The following SOX6 variants were observed in gnomAD, a reference collection of about 807,000 sequenced individuals.
SOX6 encodes the protein transcription factor SOX-6.
Under a neutral mutation model 97.8 loss-of-function variants are expected in SOX6, and 11 were observed. The observed-to-expected ratio is 0.11, with a 90% confidence interval of 0.07 to 0.19. The LOEUF (loss-of-function observed/expected upper bound fraction) is 0.19, where lower values mean the gene tolerates loss of function less well. Ranked by LOEUF, SOX6 falls within the 10% of genes least tolerant of loss-of-function variation. The pLI, the probability that SOX6 is intolerant of heterozygous loss-of-function variation, is 1.00. For missense variants in SOX6, 810 were observed against 1,039.5 expected (o/e 0.78, Z 3.04); for synonymous variants, 360 against 371.4 (o/e 0.97, Z 0.35).
At chr11:16,520,917 G>C (rs184626892) in intron 4 of SOX6, among the ~76,000 whole-genome samples, 46 of 152,374 alleles carry the variant, frequency 3.0e-4, no homozygotes, top group Non-Finnish European at 4.4e-4. Flanking sequence ...GTGGCAGCGA[G>C]GCTGGGGGAG....
At chr11:16,394,244 T>TA (rs1388781576) in intron 1 of SOX6, among the ~76,000 whole-genome samples, 7 of 151,772 alleles carry the variant, frequency 4.6e-5, no homozygotes, top group South Asian at 4.1e-4. Context: ...TGCAGATAAG[T>TA]AAAAAAATGT....
rs76141968 is a variant in SOX6 at position 16,115,666 on chromosome 11, A to T, written c.778-3743T>A. Among the ~76,000 whole-genome samples the T allele has an allele frequency of 8.6e-4, 131 of 152,314 alleles. 4 individuals carry two copies. Among genetic ancestry groups the T allele is most frequent in the Admixed American group, 7.5e-3 (115 of 15,298 alleles). On this transcript the variant is annotated intron_variant, in intron 6 of 15. Transcript: ENST00000683767. Reference sequence around the variant, plus strand: ...GATATGAGCCTAAGGTTACAGTGTCATGACAGTGCTGGATCCAGAGTCCAG... The same window carrying T: ...GATATGAGCCTAAGGTTACAGTGTCTTGACAGTGCTGGATCCAGAGTCCAG...
intron 3 of SOX6, among the ~76,000 whole-genome samples, chr11:16,236,838 T>G (rs1254136733): frequency 6.6e-6 from 1 of 151,974 alleles, no homozygotes; most frequent in Non-Finnish European, 1.5e-5. Context: ...AATACACACT[T>G]AAACCATGTG....
chr11:16,005,148 G>C (rs1223458545), intron 13 of SOX6, among the ~76,000 whole-genome samples: 1 of 151,950 alleles, frequency 6.6e-6, no homozygotes, highest in Non-Finnish European at 1.5e-5. Context: ...GGTGATGTTT[G>C]CTATATTTTA....
chr11:16,120,218 T>TTC (rs751982083), intron 6 of SOX6, among the ~76,000 whole-genome samples: 18 of 133,932 alleles, frequency 1.3e-4, no homozygotes, highest in South Asian at 2.7e-4. Context: ...GCTCTCTCTC[T>TTC]TCTCTCTCTC....
intron 4 of SOX6, among the ~76,000 whole-genome samples, chr11:16,506,210 G>A (rs1454830945): frequency 6.6e-6 from 1 of 152,166 alleles, no homozygotes; most frequent in Non-Finnish European, 1.5e-5. Flanking sequence ...TGCACCACAG[G>A]GGTGGAGCTG....
chr11:16,545,898 G>A (rs367841979), intron 4 of SOX6, among the ~76,000 whole-genome samples: 1 of 152,182 alleles, frequency 6.6e-6, no homozygotes, highest in Non-Finnish European at 1.5e-5. Flanking sequence ...GCTGCAGTGA[G>A]CCATGATCAT....
At chr11:16,710,218 C>T (rs1274351805) in intron 3 of SOX6, among the ~76,000 whole-genome samples, 8 of 152,276 alleles carry the variant, frequency 5.3e-5, no homozygotes, top group Non-Finnish European at 7.4e-5. Context: ...CCCTATTCAA[C>T]GTTTCTAAAA....
chr11:16,088,072 T>G (rs1055716786), intron 9 of SOX6, among the ~76,000 whole-genome samples: 1 of 152,114 alleles, frequency 6.6e-6, no homozygotes, highest in African/African-American at 2.4e-5. Context: ...GCTAAAAAAT[T>G]TTTTTGCTGA....
In SOX6 at chr11:16,024,278, C is replaced by A. The variant is rs538628033; in HGVS notation, c.1624-9228G>T. Among the ~76,000 whole-genome samples, 24 of 152,194 alleles carry A rather than the reference C, an allele frequency of 1.6e-4. No individual in the cohort carries two copies. The East Asian group carries it at 4.6e-3, about 29-fold the overall frequency. On this transcript the variant is annotated intron_variant, in intron 12 of 15. Transcript: ENST00000683767. ...GGCAGTACTGTGAGAAAATGAATTT[C>A]TGTTGTTTAAGTCCGCTGTCTCTGG...
intron 4 of SOX6, among the ~76,000 whole-genome samples, chr11:16,523,343 C>T (rs991578044): frequency 3.9e-4 from 59 of 152,254 alleles, no homozygotes; most frequent in Non-Finnish European, 5.1e-4. Flanking sequence ...CAAAACCGCT[C>T]AACTACATGG....
intron 1 of SOX6, among the ~76,000 whole-genome samples, chr11:16,467,098 A>C (rs1025753884): frequency 2.6e-5 from 4 of 152,208 alleles, no homozygotes; most frequent in Admixed American, 2.6e-4. Context: ...ATACCATCTT[A>C]TATCAGTAAG....
intron 2 of SOX6, among the ~76,000 whole-genome samples, chr11:16,322,944 A>G: frequency 6.6e-6 from 1 of 152,212 alleles, no homozygotes; most frequent in East Asian, 1.9e-4. Flanking sequence ...GAAAACAACC[A>G]CTGTTTAACA....
intron 3 of SOX6, among the ~76,000 whole-genome samples, chr11:16,707,466 A>G (rs1848146151): frequency 6.6e-6 from 1 of 152,160 alleles, no homozygotes. Context: ...AGTGTTTTGA[A>G]TTCTTTTTCT....
intron 4 of SOX6, among the ~76,000 whole-genome samples, chr11:16,215,482 C>T (rs1260782524): frequency 6.6e-6 from 1 of 152,012 alleles, no homozygotes; most frequent in East Asian, 1.9e-4. Flanking sequence ...TGTAAGAATC[C>T]CAGAAGTCTA....
chr11:16,016,939 T>C (rs995598718), intron 12 of SOX6, among the ~76,000 whole-genome samples: 35 of 152,054 alleles, frequency 2.3e-4, no homozygotes, highest in African/African-American at 8.0e-4. Context: ...TCTATCAATA[T>C]GCATATTTCA....
chr11:16,358,279 T>C (rs1325099151), upstream of SOX6, among the ~76,000 whole-genome samples: 1 of 152,188 alleles, frequency 6.6e-6, no homozygotes, highest in Non-Finnish European at 1.5e-5. Flanking sequence ...ATCCTTCCAC[T>C]CTGCCATTCT....
chr11:16,545,633 T>C (rs1847611893), intron 4 of SOX6, among the ~76,000 whole-genome samples: 1 of 151,888 alleles, frequency 6.6e-6, no homozygotes, highest in African/African-American at 2.4e-5. Context: ...GAGAAAGAAA[T>C]AAAAGGCACC....
chr11:16,585,681 C>CTTTTTTT (rs35531411), intron 4 of SOX6, among the ~76,000 whole-genome samples: 2 of 108,344 alleles, frequency 1.8e-5, no homozygotes, highest in African/African-American at 3.6e-5. Context: ...TTTTTTTTTA[C>CTTTTTTT]TTTTTTTTTT....
Sources: gnomAD v4.1 joint callset for allele counts (sites outside exome capture counted in the v4.1 genomes callset) on GRCh38, gnomAD v4.1.1 for gene constraint, MANE v1.5 for transcripts, NCBI Gene and HGNC (gene_info 2026-07-23, HGNC 2026-07-21) for gene names.